Variants in KAT6A observed in about 807,000 individuals in gnomAD.
The protein encoded by KAT6A is lysine acetyltransferase 6A, also known as histone acetyltransferase KAT6A.
Under a neutral mutation model 198.4 loss-of-function variants are expected in KAT6A, and 9 were observed. The ratio of observed to expected loss-of-function variants is 0.05; its 90% confidence interval spans 0.03 to 0.08. The LOEUF is 0.08. Among genes scored for constraint, KAT6A ranks in the 10% least tolerant of loss-of-function variants. KAT6A has a pLI of 1.00. For synonymous variants in KAT6A, 890 were observed against 883.0 expected (o/e 1.01, Z -0.14); for missense variants, 2,077 against 2,509.9 (o/e 0.83, Z 3.69).
intron 8 of KAT6A, among the ~76,000 whole-genome samples, chr8:41,962,978 C>T (rs1328413813): frequency 6.6e-6 from 1 of 152,144 alleles, no homozygotes; most frequent in African/African-American, 2.4e-5. Flanking sequence ...CAGTCCCCAC[C>T]TGACCAATTT....
chr8:41,955,147 GCCAAA>G (rs1822862788), intron 9 of KAT6A, 144 bp downstream of exon 9: 1 of 576,616 alleles, frequency 1.7e-6, no homozygotes, highest in Non-Finnish European at 3.0e-6. Flanking sequence ...TGAAGTGGCT[GCCAAA>G]GCCGCTGCTA....
At chr8:41,981,690 A>C in intron 4 of KAT6A, 149 bp downstream of exon 4, 1 of 595,988 alleles carries the variant, frequency 1.7e-6, no homozygotes. Context: ...ATTCTAAACT[A>C]ATGACATGTA....
chr8:42,044,979 T>G (rs7013640), intron 2 of KAT6A, among the ~76,000 whole-genome samples: 1,814 of 152,180 alleles, frequency 0.012, 33 homozygotes, highest in African/African-American at 0.042. Context: ...GGAAAGAAAA[T>G]AGTTAAAATA....
At chr8:42,026,860 C>T (rs1359051138) in intron 2 of KAT6A, among the ~76,000 whole-genome samples, 8 of 152,228 alleles carry the variant, frequency 5.3e-5, no homozygotes, top group African/African-American at 1.9e-4. Context: ...AGAGAAAAGG[C>T]TTTCAGCTTT....
chr8:41,939,139 T>C (rs779651744), intron 15 of KAT6A, among the ~76,000 whole-genome samples: 15 of 151,910 alleles, frequency 9.9e-5, no homozygotes, highest in Non-Finnish European at 1.9e-4. Context: ...CTTGGATAAA[T>C]AAACAGATGA....
At chr8:42,020,012 G>A (rs1361510851) in intron 2 of KAT6A, among the ~76,000 whole-genome samples, 2 of 152,050 alleles carry the variant, frequency 1.3e-5, no homozygotes, top group African/African-American at 2.4e-5. Context: ...ATATTCAAAT[G>A]CAAATGAATC....
chr8:41,980,318 A>C (rs1824285213), intron 5 of KAT6A, among the ~76,000 whole-genome samples: 1 of 152,204 alleles, frequency 6.6e-6, no homozygotes, highest in African/African-American at 2.4e-5. Flanking sequence ...GCGCCCTTAC[A>C]ATCTGGACAC....
At chr8:41,965,629 T>C (rs1013616187) in intron 8 of KAT6A, among the ~76,000 whole-genome samples, 2 of 152,204 alleles carry the variant, frequency 1.3e-5, no homozygotes, top group Non-Finnish European at 2.9e-5. Flanking sequence ...TTTAGTTTGA[T>C]AAGCATGGGT....
chr8:42,016,380 ATTAG>A (rs1313743494), intron 2 of KAT6A, among the ~76,000 whole-genome samples: 2 of 152,372 alleles, frequency 1.3e-5, no homozygotes, highest in East Asian at 1.9e-4. Flanking sequence ...GTTCATTTCA[ATTAG>A]TTAAACCTTT....
intron 2 of KAT6A, among the ~76,000 whole-genome samples, chr8:42,028,514 G>A (rs552213194): frequency 6.7e-4 from 102 of 152,002 alleles, no homozygotes; most frequent in African/African-American, 2.2e-3. Context: ...TGCAGTTTTC[G>A]ACTTAATGTC....
chr8:41,938,097 C>T lies in KAT6A; in HGVS notation c.3040-529G>A, dbSNP rs551929887. On this transcript the variant is annotated intron_variant, in intron 15 of 16. Coordinates refer to ENST00000265713, the MANE Select transcript of KAT6A (RefSeq NM_006766.5). ...GAAATATTTCAAAAGTAAAATAAATCTGTTACTGAAATTTGGGCACACTGA... is the reference window on the plus strand; with the variant it reads ...GAAATATTTCAAAAGTAAAATAAATTTGTTACTGAAATTTGGGCACACTGA... Among the ~76,000 whole-genome samples the T allele has an allele frequency of 3.3e-5, 5 of 152,284 alleles. No homozygotes were observed. In the East Asian group the frequency reaches 9.6e-4, roughly 29 times the overall value.
chr8:41,941,718 A>G (rs1822149072), intron 14 of KAT6A, among the ~76,000 whole-genome samples: 1 of 152,232 alleles, frequency 6.6e-6, no homozygotes, highest in Non-Finnish European at 1.5e-5. Context: ...AATTTAAGTA[A>G]TCTGCCCCAG....
chr8:42,048,505 C>T lies in KAT6A; in HGVS notation c.473G>A (p.Gly158Asp). ...RLAIKRAIGH[G>D]RLLKDGPLYR... ...AAGAGGTCCATCTTTAAGGAGTCTG[C>T]CGTGGCCAATGGCACGTTTGATAGC... Residue 158 changes from glycine (G) to aspartate (D), a missense_variant, in exon 2 of 17, where the codon GGC becomes GAC. Around this residue, in one of 13 missense-constraint regions of KAT6A, gnomAD observed 185 missense variants for 185.7 expected, o/e 1.00. Coordinates refer to ENST00000265713, the MANE Select transcript of KAT6A (RefSeq NM_006766.5). 6.2e-7 allele frequency: 1 copy of T among 1,614,112 alleles called. No individual in the cohort carries two copies. Among genetic ancestry groups the T allele is most frequent in the Non-Finnish European group, 8.5e-7 (1 of 1,180,008 alleles).
intron 8 of KAT6A, among the ~76,000 whole-genome samples, chr8:41,969,139 TG>T (rs1296410929): frequency 6.6e-6 from 1 of 152,196 alleles, no homozygotes; most frequent in Non-Finnish European, 1.5e-5. Context: ...TGTTATTAGT[TG>T]GATGGATTCT....
intron 2 of KAT6A, among the ~76,000 whole-genome samples, chr8:42,012,996 ATGTAATATTATAGGGAGAATAAT>A (rs1300384933): frequency 2.0e-5 from 3 of 152,174 alleles, no homozygotes; most frequent in Admixed American, 2.0e-4. Flanking sequence ...AGTCTGGAAA[ATGTAATATTATAGGGAGAATAAT>A]AGCTCAGTGG....
At chr8:41,937,602 T>C in intron 15 of KAT6A, 34 bp from the exon 16 acceptor site, 1 of 1,485,158 alleles carries the variant, frequency 6.7e-7, no homozygotes, top group Middle Eastern at 1.8e-4. Context: ...TTTACAGTTA[T>C]GAACACTATC....
intron 7 of KAT6A, among the ~76,000 whole-genome samples, chr8:41,975,046 A>T (rs753008092): frequency 6.6e-6 from 1 of 152,212 alleles, no homozygotes; most frequent in African/African-American, 2.4e-5. Context: ...AAAATATTAT[A>T]TAACTAAATT....
At chr8:41,948,901 ACATCATCATCAT>A (rs34721456) in intron 10 of KAT6A, among the ~76,000 whole-genome samples, 6 of 151,066 alleles carry the variant, frequency 4.0e-5, no homozygotes, top group Non-Finnish European at 7.4e-5. Context: ...CAGAGGTCAC[ACATCATCATCAT>A]CATCATCATC....
chr8:42,014,795 A>C (rs1826191240), intron 2 of KAT6A, among the ~76,000 whole-genome samples: 1 of 152,240 alleles, frequency 6.6e-6, no homozygotes. Flanking sequence ...GTAGAAACTG[A>C]AGTAGAAGCT....
Sources: gnomAD v4.1 joint callset for allele counts (sites outside exome capture counted in the v4.1 genomes callset) on GRCh38, gnomAD v4.1.1 for gene constraint, gnomAD v4.1.1 regional missense constraint, MANE v1.5 for transcripts, NCBI Gene and HGNC (gene_info 2026-07-23, HGNC 2026-07-21) for gene names.